GLIS3: variants seen among roughly 807,000 people sequenced by gnomAD.
The protein encoded by GLIS3 is GLIS family zinc finger 3.
A neutral mutation model predicts 78.6 loss-of-function variants in GLIS3; 53 were observed. The ratio of observed to expected loss-of-function variants is 0.67; its 90% CI spans 0.54 to 0.85. The LOEUF (loss-of-function observed/expected upper bound fraction) is 0.85, where lower values mean the gene tolerates loss of function less well. Among genes scored for constraint, GLIS3 ranks in the 40% least tolerant of loss-of-function variants. GLIS3 has a pLI of 0.00. For synonymous variants in GLIS3, 684 were observed against 509.9 expected (o/e 1.34, Z -4.60); for missense variants, 1,703 against 1,231.1 (o/e 1.38, Z -5.74).
chr9:3,937,344 T>C (rs543926325), intron 4 of GLIS3, among the ~76,000 whole-genome samples, 155 bp from the exon 5 acceptor site: 5 of 152,228 alleles, frequency 3.3e-5, no homozygotes, highest in African/African-American at 1.2e-4. Flanking sequence ...CCTAAAAATA[T>C]CCGAATATTT....
chr9:4,478,686 G>C, the GLIS3 span, among the ~76,000 whole-genome samples: 1 of 151,902 alleles, frequency 6.6e-6, no homozygotes, highest in Non-Finnish European at 1.5e-5. Flanking sequence ...CCAAGGGAAA[G>C]AAATTAAGCA....
chr9:4,184,033 G>A (rs150823485), intron 2 of GLIS3, among the ~76,000 whole-genome samples: 1,976 of 152,040 alleles, frequency 0.013, 41 homozygotes, highest in African/African-American at 0.045. Context: ...TGAGGAACAT[G>A]AAAAATGATC....
chr9:4,361,212 T>C, the GLIS3 span, among the ~76,000 whole-genome samples: 2 of 152,162 alleles, frequency 1.3e-5, no homozygotes, highest in Non-Finnish European at 2.9e-5. Flanking sequence ...TTCACTGTTT[T>C]CTCTAGGCAG....
chr9:3,894,263 G>A (rs956111444), intron 7 of GLIS3, among the ~76,000 whole-genome samples: 3 of 152,072 alleles, frequency 2.0e-5, no homozygotes, highest in African/African-American at 4.8e-5. Flanking sequence ...ATATAGTTAC[G>A]TTGTTTAATC....
intron 4 of GLIS3, among the ~76,000 whole-genome samples, chr9:4,057,130 C>T (rs1390700741): frequency 6.6e-6 from 1 of 152,042 alleles, no homozygotes; most frequent in African/African-American, 2.4e-5. Context: ...GAAGCGTCAA[C>T]AATGCCCTAA....
At chr9:4,005,463 T>C (rs938676878) in intron 4 of GLIS3, among the ~76,000 whole-genome samples, 1 of 152,200 alleles carries the variant, frequency 6.6e-6, no homozygotes, top group Non-Finnish European at 1.5e-5. Flanking sequence ...GCTAAGAACA[T>C]GGCCCTAGGA....
At chr9:4,438,689 A>G in the GLIS3 span, among the ~76,000 whole-genome samples, 1 of 152,200 alleles carries the variant, frequency 6.6e-6, no homozygotes, top group South Asian at 2.1e-4. Flanking sequence ...CAGGTTCCCC[A>G]TGCTGTTCTC....
chr9:4,295,867 G>T (rs1209284261), intron 1 of GLIS3, among the ~76,000 whole-genome samples: 1 of 152,084 alleles, frequency 6.6e-6, no homozygotes. Context: ...ATCAAACTAT[G>T]TATCAATGTC....
chr9:4,433,022 C>T, the GLIS3 span, among the ~76,000 whole-genome samples: 1 of 152,140 alleles, frequency 6.6e-6, no homozygotes, highest in African/African-American at 2.4e-5. Flanking sequence ...AAACCTGCCT[C>T]CCAGGTGTTT....
At chr9:4,055,825 C>T (rs1826111646) in intron 4 of GLIS3, among the ~76,000 whole-genome samples, 1 of 152,198 alleles carries the variant, frequency 6.6e-6, no homozygotes, top group Non-Finnish European at 1.5e-5. Context: ...TACCAATGGT[C>T]TGGCTTTCAG....
At chr9:4,268,838 C>G (rs919840383) in intron 2 of GLIS3, among the ~76,000 whole-genome samples, 1 of 152,170 alleles carries the variant, frequency 6.6e-6, no homozygotes, top group Admixed American at 6.5e-5. Flanking sequence ...CTCCAAGCCT[C>G]TAGGTTCTGG....
intron 2 of GLIS3, among the ~76,000 whole-genome samples, chr9:4,265,931 T>TG: frequency 7.2e-6 from 1 of 138,314 alleles, no homozygotes; most frequent in African/African-American, 2.8e-5. Context: ...TTTGTTTGTT[T>TG]GTTTGGAGAC....
At chr9:3,918,840 G>A (rs1824686854) in intron 6 of GLIS3, among the ~76,000 whole-genome samples, 1 of 152,156 alleles carries the variant, frequency 6.6e-6, no homozygotes, top group Non-Finnish European at 1.5e-5. Flanking sequence ...CACTGTAGAG[G>A]TCCAATTTCA....
At chr9:4,243,304 G>C (rs1823494267) in intron 2 of GLIS3, among the ~76,000 whole-genome samples, 1 of 152,298 alleles carries the variant, frequency 6.6e-6, no homozygotes, top group South Asian at 2.1e-4. Context: ...AGTGATTGAG[G>C]TGAGAGGGTA....
chr9:4,169,818 C>T lies in GLIS3; in HGVS notation c.389-43877G>A, dbSNP rs184642593. Among the ~76,000 whole-genome samples, 295 of 152,116 alleles carry T rather than the reference C, an allele frequency of 1.9e-3. 3 individuals carry two copies. The highest frequency in any genetic ancestry group is 6.7e-3 in the African/African-American group (278 of 41,496). ...TCTGGGTAAAGAGTATAGGAGAATTCGGTACATTGTTCTTGCAGTTTTTTT... is the reference window on the plus strand; with the variant it reads ...TCTGGGTAAAGAGTATAGGAGAATTTGGTACATTGTTCTTGCAGTTTTTTT... On this transcript the variant is annotated intron_variant, in intron 2 of 10. Transcript: ENST00000381971.
intron 2 of GLIS3, among the ~76,000 whole-genome samples, chr9:4,274,687 C>T (rs1309464116): frequency 3.3e-5 from 5 of 152,194 alleles, no homozygotes; most frequent in Non-Finnish European, 7.3e-5. Flanking sequence ...AAGGTGACCA[C>T]AGAACACTAA....
At chr9:4,021,640 A>G (rs535049717) in intron 4 of GLIS3, among the ~76,000 whole-genome samples, 1 of 152,322 alleles carries the variant, frequency 6.6e-6, no homozygotes, top group Admixed American at 6.5e-5. Flanking sequence ...TTCAATTAAT[A>G]TAACATTGCA....
At chr9:4,437,574 CA>C in the GLIS3 span, among the ~76,000 whole-genome samples, 1 of 152,168 alleles carries the variant, frequency 6.6e-6, no homozygotes, top group Non-Finnish European at 1.5e-5. Context: ...GCAGCTGGCC[CA>C]AAGTCGCAAA....
upstream of GLIS3, among the ~76,000 whole-genome samples, chr9:4,351,354 G>A (rs552232277): frequency 2.1e-5 from 3 of 144,322 alleles, no homozygotes; most frequent in East Asian, 6.6e-4. Context: ...TCAGTGAACT[G>A]TAATCGCACC....
Sources: allele counts gnomAD v4.1 joint callset (sites outside exome capture counted in the v4.1 genomes callset), GRCh38; gene constraint gnomAD v4.1.1; transcripts MANE v1.5; gene names NCBI Gene and HGNC (gene_info 2026-07-23, HGNC 2026-07-21).